PIWIL1: variants seen among roughly 807,000 people sequenced by gnomAD.
The protein encoded by PIWIL1 is piwi like RNA-mediated gene silencing 1, also known as piwi-like protein 1.
PIWIL1 carries 73 observed loss-of-function variants against 114.4 expected under a neutral mutation model. The observed-to-expected ratio is 0.64, with a 90% CI of 0.53 to 0.78. The LOEUF is 0.78. Ranked by LOEUF, PIWIL1 falls within the 30% of genes least tolerant of loss-of-function variation. PIWIL1 has a pLI of 0.00. For synonymous variants in PIWIL1, 375 were observed against 369.0 expected (o/e 1.02, Z -0.19); for missense variants, 723 against 1,063.1 (o/e 0.68, Z 4.45).
rs547784269 is a variant in PIWIL1, at chr12:130,362,272, G to A, written c.1971-494G>A. On this transcript the variant is annotated intron_variant, in intron 16 of 20. Transcript: ENST00000245255. The stretch of plus-strand genomic sequence containing the variant: ...CCCTGGTGTCTGTTGTCTTCTTTGC[G>A]TCCATGAGTTCTCATCATTTAGCTG... 1.1e-3 allele frequency among the ~76,000 whole-genome samples: 166 copies of A among 152,150 alleles called. 1 individual carries two copies. The highest frequency in any genetic ancestry group is 3.5e-3 in the African/African-American group (146 of 41,514).
the PIWIL1 span, among the ~76,000 whole-genome samples, chr12:130,401,533 C>T: frequency 1.3e-5 from 2 of 151,812 alleles, no homozygotes; most frequent in Non-Finnish European, 2.9e-5. Flanking sequence ...ACTGCCCTGC[C>T]CCGCCCCACT....
At chr12:130,365,624 A>C (rs559611743) in intron 18 of PIWIL1, among the ~76,000 whole-genome samples, 1 of 152,364 alleles carries the variant, frequency 6.6e-6, no homozygotes, top group East Asian at 1.9e-4. Flanking sequence ...GTTTGATGCA[A>C]GAACAAATCA....
rs1375073179 is a variant in PIWIL1, at chr12:130,346,790, T to TA, written c.532-150dup. The TA allele has an allele frequency of 4.0e-6, 4 of 1,000,822 alleles. No homozygotes were observed. The African/African-American group carries it at 6.5e-5, about 16-fold the overall frequency. The allele number at this position is 1,000,822 out of a possible 1,614,324, so 62.0% of individuals were successfully genotyped here. On this transcript the variant is annotated intron_variant, in intron 5 of 20. Transcript: ENST00000245255. ...GATTACAATTGAGTTATAATACACT[T>TA]AGCCACTCTTTTTCTCAGAGCCATT...
chr12:130,414,276 T>A, the PIWIL1 span: 2 of 1,606,530 alleles, frequency 1.2e-6, no homozygotes, highest in Non-Finnish European at 1.7e-6. Context: ...TTCATAGAAG[T>A]CTGGAGAAAG....
intron 1 of PIWIL1, among the ~76,000 whole-genome samples, chr12:130,341,487 G>C (rs564886958): frequency 6.6e-6 from 1 of 152,328 alleles, no homozygotes; most frequent in East Asian, 1.9e-4. Context: ...TCCTGCCTTC[G>C]TGTAGTATTC....
chr12:130,389,529 G>A, the PIWIL1 span, among the ~76,000 whole-genome samples: 1 of 151,748 alleles, frequency 6.6e-6, no homozygotes, highest in African/African-American at 2.4e-5. Flanking sequence ...CTTTTTCCAG[G>A]CATTTGTCTA....
At chr12:130,398,493 G>A in the PIWIL1 span, 1 of 152,676 alleles carries the variant, frequency 6.5e-6, no homozygotes, top group Non-Finnish European at 1.5e-5. Context: ...GATCATTTGA[G>A]CTGCGTGCTT....
chr12:130,364,836 T>C (rs2073610776), intron 18 of PIWIL1, among the ~76,000 whole-genome samples: 1 of 152,192 alleles, frequency 6.6e-6, no homozygotes, highest in South Asian at 2.1e-4. Flanking sequence ...TTCTAGTCTT[T>C]ATTGTCATTT....
intron 1 of PIWIL1, among the ~76,000 whole-genome samples, chr12:130,340,001 C>G (rs1037673979): frequency 2.0e-5 from 3 of 152,204 alleles, no homozygotes; most frequent in African/African-American, 7.2e-5. Flanking sequence ...GGTGCAAAGG[C>G]ATCAATTGTG....
the PIWIL1 span, chr12:130,398,248 C>T: frequency 6.6e-6 from 1 of 152,222 alleles, no homozygotes; most frequent in South Asian, 2.1e-4. Context: ...GACTTCACCT[C>T]GCTTCCCTTT....
At chr12:130,355,745 G>C in intron 12 of PIWIL1, 78 bp downstream of exon 12, 2 of 1,000,890 alleles carry the variant, frequency 2.0e-6, no homozygotes, top group Non-Finnish European at 3.2e-6. Context: ...GAGTACAGTG[G>C]TGCAATCTCA....
intron 18 of PIWIL1, among the ~76,000 whole-genome samples, chr12:130,365,675 A>T (rs970951506): frequency 6.6e-6 from 1 of 152,210 alleles, no homozygotes; most frequent in African/African-American, 2.4e-5. Flanking sequence ...TTTTGTTACT[A>T]TATTTGCTAA....
the PIWIL1 span, among the ~76,000 whole-genome samples, chr12:130,417,452 T>C: frequency 6.6e-6 from 1 of 152,102 alleles, no homozygotes; most frequent in Non-Finnish European, 1.5e-5. Flanking sequence ...GAGGCCATCA[T>C]CCCAAGAAAA....
At chr12:130,398,362 T>C in the PIWIL1 span, 1 of 152,528 alleles carries the variant, frequency 6.6e-6, no homozygotes, top group Non-Finnish European at 1.5e-5. Flanking sequence ...AGCAGGCAAA[T>C]GCTGTAAGCC....
chr12:130,377,050 G>A (rs1475396150), downstream of PIWIL1, among the ~76,000 whole-genome samples: 1 of 152,172 alleles, frequency 6.6e-6, no homozygotes, highest in Non-Finnish European at 1.5e-5. Context: ...CTGTGAGCGT[G>A]CAGCCTAGAC....
downstream of PIWIL1, among the ~76,000 whole-genome samples, chr12:130,376,329 G>A (rs1323016613): frequency 1.3e-5 from 2 of 152,238 alleles, no homozygotes; most frequent in Non-Finnish European, 2.9e-5. Context: ...TCCATTGTCA[G>A]AATGATACTG....
the PIWIL1 span, among the ~76,000 whole-genome samples, chr12:130,378,233 G>A: frequency 6.6e-6 from 1 of 152,142 alleles, no homozygotes. Context: ...GGAGAACCGG[G>A]TAGCATGCAC....
At chr12:130,406,295 GT>G in the PIWIL1 span, 2 of 1,260,472 alleles carry the variant, frequency 1.6e-6, no homozygotes, top group Non-Finnish European at 2.3e-6. Context: ...AACAGTAGTA[GT>G]TTTTTAAAAA....
chr12:130,344,132 C>G (rs1035756998), intron 3 of PIWIL1, among the ~76,000 whole-genome samples: 1 of 152,200 alleles, frequency 6.6e-6, no homozygotes, highest in African/African-American at 2.4e-5. Context: ...CTGATTTCAT[C>G]ATTGTTTATA....
Sources: gnomAD v4.1 joint callset for allele counts (sites outside exome capture counted in the v4.1 genomes callset) on GRCh38, gnomAD v4.1.1 for gene constraint, MANE v1.5 for transcripts, NCBI Gene and HGNC (gene_info 2026-07-23, HGNC 2026-07-21) for gene names.